CAMTA1: variants seen among roughly 807,000 people sequenced by gnomAD.
CAMTA1 encodes calmodulin binding transcription activator 1.
A neutral mutation model predicts 170.9 loss-of-function variants in CAMTA1; 27 were observed. That is an observed-to-expected ratio of 0.16 (90% CI 0.12 to 0.22). The LOEUF (loss-of-function observed/expected upper bound fraction) is 0.22. CAMTA1 is among the 10% of genes least tolerant of loss of function. The probability of loss-of-function intolerance (pLI) is 1.00; values close to 1 mark genes in which losing one functional copy is unlikely to be tolerated. For missense variants in CAMTA1, 1,619 were observed against 2,217.2 expected (o/e 0.73, Z 5.42); for synonymous variants, 833 against 891.5 (o/e 0.93, Z 1.17).
intron 3 of CAMTA1, among the ~76,000 whole-genome samples, chr1:6,868,269 A>G (rs1247418539): frequency 1.3e-5 from 2 of 150,696 alleles, no homozygotes; most frequent in African/African-American, 4.9e-5. Flanking sequence ...AGATCTTGCT[A>G]CTGCACTCTA....
intron 3 of CAMTA1, among the ~76,000 whole-genome samples, chr1:6,884,289 GAGACACAC>G (rs1385151784): frequency 1.5e-4 from 13 of 84,180 alleles, no homozygotes; most frequent in South Asian, 1.5e-3. Flanking sequence ...TTATTCTCTA[GAGACACAC>G]ACACACACAC....
chr1:7,361,799 A>T (rs1385093110), intron 5 of CAMTA1, among the ~76,000 whole-genome samples: 2 of 152,184 alleles, frequency 1.3e-5, no homozygotes, highest in Non-Finnish European at 2.9e-5. Flanking sequence ...TTTAGCAAGT[A>T]ACGTAAACCG....
rs1348496655 is a variant in CAMTA1, at chr1:7,456,537, A to G, written c.439-11293A>G. Among the ~76,000 whole-genome samples the G allele has an allele frequency of 6.6e-6, 1 of 152,246 alleles. No individual in the cohort carries two copies. Among genetic ancestry groups the G allele is most frequent in the African/African-American group, 2.4e-5 (1 of 41,464 alleles). On this transcript the variant is annotated intron_variant, in intron 5 of 22. Transcript: ENST00000303635. This position sits in a 1 kb window ranked among gnomAD's most constrained non-coding sequence, Gnocchi z 4.9. ...GAACAAGAGCCAGTGGGTGGGAGAT[A>G]ACTGAGCAAGAATATACACGTACAC...
At chr1:7,018,718 G>C (rs1292477269) in intron 3 of CAMTA1, among the ~76,000 whole-genome samples, 1 of 152,182 alleles carries the variant, frequency 6.6e-6, no homozygotes, top group African/African-American at 2.4e-5. Flanking sequence ...TAACCACAGA[G>C]CATGTTTATG....
At chr1:7,243,399 T>G (rs944883198) in intron 4 of CAMTA1, among the ~76,000 whole-genome samples, 18 of 152,234 alleles carry the variant, frequency 1.2e-4, no homozygotes, top group Non-Finnish European at 2.6e-4. Context: ...TGAATTAATT[T>G]TTGTATAAGG....
At chr1:7,310,694 CTCTCTCTCTT>C (rs1676510830) in intron 5 of CAMTA1, among the ~76,000 whole-genome samples, 1 of 47,090 alleles carries the variant, frequency 2.1e-5, no homozygotes, top group South Asian at 5.7e-4. Flanking sequence ...CTCTCTCTCT[CTCTCTCTCTT>C]TCTTTCTTTC....
chr1:6,987,729 T>A (rs745519794), intron 3 of CAMTA1, among the ~76,000 whole-genome samples: 3 of 152,232 alleles, frequency 2.0e-5, no homozygotes, highest in Non-Finnish European at 2.9e-5. Flanking sequence ...TTGGATGCAA[T>A]GTGGGAGGCA....
At chr1:7,504,187 G>T (rs565574680) in intron 6 of CAMTA1, among the ~76,000 whole-genome samples, 1 of 152,282 alleles carries the variant, frequency 6.6e-6, no homozygotes, top group East Asian at 1.9e-4. Flanking sequence ...CAGGCCAAGG[G>T]TCTGCAATCA....
At chr1:7,399,271 CATTT>C (rs1285738321) in intron 5 of CAMTA1, among the ~76,000 whole-genome samples, 2 of 152,178 alleles carry the variant, frequency 1.3e-5, no homozygotes, top group Non-Finnish European at 2.9e-5. Flanking sequence ...CTCTCTCTTG[CATTT>C]ATTTATCACC....
At chr1:7,449,544 C>T (rs1003230860) in intron 5 of CAMTA1, among the ~76,000 whole-genome samples, 3 of 151,944 alleles carry the variant, frequency 2.0e-5, no homozygotes, top group Non-Finnish European at 2.9e-5. Context: ...CCAAGGCGGG[C>T]GGATCAATTG....
intron 9 of CAMTA1, among the ~76,000 whole-genome samples, chr1:7,670,526 A>T (rs938692239): frequency 3.9e-5 from 6 of 152,152 alleles, no homozygotes; most frequent in Non-Finnish European, 7.4e-5. Flanking sequence ...ATGACGGAGC[A>T]AGTCCCCTCC....
chr1:6,889,489 AG>A (rs1262519554), intron 3 of CAMTA1, among the ~76,000 whole-genome samples: 1 of 152,214 alleles, frequency 6.6e-6, no homozygotes, highest in Non-Finnish European at 1.5e-5. Context: ...GGATGTGGGG[AG>A]TAAAGTAAGT....
In CAMTA1 at chr1:7,737,111, C is replaced by T. The variant is rs11121014; in HGVS notation, c.3342+102C>T. 4,820 of 1,324,016 alleles carry T rather than the reference C, an allele frequency of 3.6e-3. 122 individuals are homozygous for T. The African/African-American group carries it at 0.06, about 17-fold the overall frequency. The allele number at this position is 1,324,016 out of a possible 1,614,324, so 82.0% of individuals were successfully genotyped here. ...TCTCTTGCTGACACATGGCATGTTT[C>T]GGAGATACTTTGGGATGGGAATCTT... On this transcript the variant is annotated intron_variant, in intron 14 of 22. Transcript: ENST00000303635.
rs536488714 is a variant in CAMTA1, at chr1:7,458,566, C to T, written c.439-9264C>T. ...GAATGAATTTTGGGGAGCCTTCCCG[C>T]CCCTGCCCAGAGGAGTCCCCCAAGA... is the stretch of plus-strand genomic sequence containing the variant. On this transcript the variant is annotated intron_variant, in intron 5 of 22. Transcript: ENST00000303635. Among the ~76,000 whole-genome samples the T allele has an allele frequency of 3.1e-4, 47 of 152,320 alleles. No individual in the cohort carries two copies. In the East Asian group the frequency reaches 8.3e-3, roughly 27 times the overall value.
chr1:7,738,153 G>A lies in CAMTA1; in HGVS notation c.3853G>A (p.Glu1285Lys), dbSNP rs375995525. ...QSPSSKQSVP[E>K]TLSPSEGVRD... ...CCCTAGTTCTAAGCAGTCTGTCCCC[G>A]AGACACTCAGCCCCAGTGAAGGAGT... Residue 1285 changes from glutamate (E) to lysine (K), a missense_variant, in exon 16 of 23, where the codon GAG (glutamate) becomes AAG (lysine). Coordinates refer to ENST00000303635, the MANE Select transcript of CAMTA1 (RefSeq NM_015215.4). This position sits in a 1 kb window ranked among gnomAD's most constrained non-coding sequence, Gnocchi z 4.9. 188 of 1,614,024 alleles carry A rather than the reference G, an allele frequency of 1.2e-4. No homozygotes were observed. The East Asian group carries it at 2.4e-3, about 21-fold the overall frequency.
At chr1:7,591,723 C>T (rs6577451) in intron 6 of CAMTA1, among the ~76,000 whole-genome samples, 16,560 of 152,142 alleles carry the variant, frequency 0.11, 1,019 homozygotes, top group South Asian at 0.18. Context: ...ACCTGCCCCG[C>T]GGGTCTCAGT....
chr1:7,202,338 T>G (rs1656863458), intron 4 of CAMTA1, among the ~76,000 whole-genome samples: 1 of 152,204 alleles, frequency 6.6e-6, no homozygotes, highest in Non-Finnish European at 1.5e-5. Context: ...CCTACTTTGT[T>G]CTTTTCTTAG....
chr1:7,615,694 G>A (rs1038281701), intron 6 of CAMTA1, among the ~76,000 whole-genome samples: 3 of 152,212 alleles, frequency 2.0e-5, no homozygotes, highest in African/African-American at 7.2e-5. Flanking sequence ...TTTGGAGGAT[G>A]TGTGTTCCAT....
intron 6 of CAMTA1, among the ~76,000 whole-genome samples, chr1:7,480,175 G>C (rs1162621493): frequency 6.7e-6 from 1 of 149,166 alleles, no homozygotes; most frequent in Non-Finnish European, 1.5e-5. Context: ...GTGTGTGCTT[G>C]TGTCTCAGTG....
Sources: allele counts gnomAD v4.1 joint callset (sites outside exome capture counted in the v4.1 genomes callset), GRCh38; gene constraint gnomAD v4.1.1; non-coding constraint Gnocchi (gnomAD v3.1); transcripts MANE v1.5; gene names NCBI Gene and HGNC (gene_info 2026-07-23, HGNC 2026-07-21).